NPAS3: variants seen among roughly 807,000 people sequenced by gnomAD.
NPAS3 encodes the protein neuronal PAS domain-containing protein 3.
Under a neutral mutation model 73.1 loss-of-function variants are expected in NPAS3, and 14 were observed. The observed-to-expected ratio is 0.19, with a 90% CI of 0.13 to 0.30. The LOEUF (loss-of-function observed/expected upper bound fraction) is 0.30. NPAS3 is among the 10% of genes least tolerant of loss of function. NPAS3 has a pLI of 1.00. For synonymous variants in NPAS3, 620 were observed against 541.5 expected, an observed-to-expected ratio of 1.14 and a Z score of -2.01; for missense variants, 1,096 against 1,250.0, an observed-to-expected ratio of 0.88 and a Z score of 1.86.
intron 5 of NPAS3, among the ~76,000 whole-genome samples, chr14:33,647,892 G>C (rs769100596): frequency 2.6e-5 from 4 of 152,034 alleles, no homozygotes; most frequent in African/African-American, 9.7e-5. Flanking sequence ...CACTCAAATG[G>C]CAGGCCCATT....
intron 6 of NPAS3, among the ~76,000 whole-genome samples, chr14:33,725,031 A>T (rs1344697680): frequency 6.6e-6 from 1 of 152,212 alleles, no homozygotes; most frequent in African/African-American, 2.4e-5. Flanking sequence ...AATAATACGG[A>T]CAAATACAGA....
rs117599337 is a variant in NPAS3 at position 33,613,214 on chromosome 14, A to G, written c.558+53004A>G. On this transcript the variant is annotated intron_variant, in intron 5 of 11. Coordinates refer to ENST00000356141, the Ensembl canonical transcript of NPAS3. ...CTGGAGGGCACCTGCTCCTGGCCCT[A>G]CAAACCCTGCCTTTCAGAAGAGGAG... Among the ~76,000 whole-genome samples the G allele has an allele frequency of 1.6e-3, 241 of 152,294 alleles. 6 individuals carry two copies. In the East Asian group the frequency reaches 0.038, roughly 24 times the overall value.
At chr14:33,000,369 A>T (rs1330352239) in intron 1 of NPAS3, among the ~76,000 whole-genome samples, 1 of 152,178 alleles carries the variant, frequency 6.6e-6, no homozygotes, top group Non-Finnish European at 1.5e-5. Context: ...GTGTTTCTCC[A>T]TACTGCATTA....
chr14:33,275,558 C>A (rs1396604248), intron 3 of NPAS3, among the ~76,000 whole-genome samples: 2 of 152,190 alleles, frequency 1.3e-5, no homozygotes, highest in Non-Finnish European at 2.9e-5. Context: ...ATGCATAGAT[C>A]TAAATCAGGG....
At chr14:32,937,773 G>A (rs1455111721), upstream of NPAS3, among the ~76,000 whole-genome samples, 2 of 152,126 alleles carry the variant, frequency 1.3e-5, no homozygotes, top group Admixed American at 1.3e-4. Context: ...TCCATCAGGC[G>A]CTTTCATTCA....
intron 6 of NPAS3, among the ~76,000 whole-genome samples, chr14:33,715,857 A>G (rs1399540713): frequency 1.3e-5 from 2 of 152,124 alleles, no homozygotes; most frequent in African/African-American, 4.8e-5. Context: ...GTAGTTGAGT[A>G]AGTCTCACAA....
chr14:32,955,709 G>A (rs2036646843), intron 1 of NPAS3, among the ~76,000 whole-genome samples: 1 of 152,064 alleles, frequency 6.6e-6, no homozygotes, highest in African/African-American at 2.4e-5. Context: ...GTTAGAAAAT[G>A]AAGGAATAAA....
At chr14:33,191,503 G>T (rs2046170797) in intron 2 of NPAS3, among the ~76,000 whole-genome samples, 1 of 152,134 alleles carries the variant, frequency 6.6e-6, no homozygotes, top group Non-Finnish European at 1.5e-5. Context: ...GAGAGTCATA[G>T]GTCATTGCCA....
At chr14:33,080,152 G>T (rs1033217180) in intron 2 of NPAS3, among the ~76,000 whole-genome samples, 2 of 151,976 alleles carry the variant, frequency 1.3e-5, no homozygotes, top group African/African-American at 4.8e-5. Flanking sequence ...TTATCACCCA[G>T]GCTGGAGTGC....
chr14:33,732,652 T>G (rs2061429094), intron 6 of NPAS3, among the ~76,000 whole-genome samples: 1 of 152,198 alleles, frequency 6.6e-6, no homozygotes, highest in Admixed American at 6.5e-5. Context: ...CCATACCACA[T>G]GCTCTTGAAA....
At chr14:33,605,983 C>T (rs533388763) in intron 5 of NPAS3, among the ~76,000 whole-genome samples, 1 of 152,188 alleles carries the variant, frequency 6.6e-6, no homozygotes, top group Admixed American at 6.5e-5. Context: ...TAAAAATCCA[C>T]AGTAATCAAG....
intron 5 of NPAS3, among the ~76,000 whole-genome samples, chr14:33,594,722 A>G (rs914067422): frequency 1.3e-5 from 2 of 152,154 alleles, no homozygotes; most frequent in African/African-American, 2.4e-5. Flanking sequence ...GCCTCTTGGC[A>G]GTTTGGAGAG....
intron 4 of NPAS3, among the ~76,000 whole-genome samples, chr14:33,507,459 T>G (rs1285656448): frequency 1.3e-5 from 2 of 152,028 alleles, no homozygotes; most frequent in African/African-American, 4.8e-5. Context: ...TTTCAGTCTT[T>G]TTGATCCTGA....
At chr14:33,038,510 T>A (rs1055677980) in intron 1 of NPAS3, among the ~76,000 whole-genome samples, 2 of 147,960 alleles carry the variant, frequency 1.4e-5, no homozygotes, top group Admixed American at 6.9e-5. Context: ...TATTTATACA[T>A]CTACATCTAT....
At chr14:33,685,863 A>G (rs2060074260) in intron 6 of NPAS3, among the ~76,000 whole-genome samples, 1 of 152,110 alleles carries the variant, frequency 6.6e-6, no homozygotes, top group South Asian at 2.1e-4. Context: ...TTGCCCCCAC[A>G]CCAGAGCAGA....
intron 1 of NPAS3, among the ~76,000 whole-genome samples, chr14:32,997,377 G>T (rs915830626): frequency 2.6e-5 from 4 of 152,224 alleles, no homozygotes; most frequent in Middle Eastern, 3.4e-3. Context: ...AGGCATGATT[G>T]GTTTTGAAAT....
At chr14:33,367,944 T>C (rs1394918347) in intron 4 of NPAS3, among the ~76,000 whole-genome samples, 1 of 152,116 alleles carries the variant, frequency 6.6e-6, no homozygotes, top group Non-Finnish European at 1.5e-5. Flanking sequence ...TACTAAGACT[T>C]TGCCATCGAT....
At position 33,734,873 on chromosome 14, in the gene NPAS3, G is replaced by A. The variant is rs146240619; in HGVS notation, c.734-341G>A. Among the ~76,000 whole-genome samples, 23 of 152,098 alleles carry A rather than the reference G, an allele frequency of 1.5e-4. No homozygotes were observed. The East Asian group carries it at 2.7e-3, about 18-fold the overall frequency. On this transcript the variant is annotated intron_variant, in intron 6 of 11. Transcript: ENST00000356141. ...ACCTTAGTTGACCTCATAAATCTACGGGTCCTTGTCTTTCATGACAGTTCT... is the reference window on the plus strand; with the variant it reads ...ACCTTAGTTGACCTCATAAATCTACAGGTCCTTGTCTTTCATGACAGTTCT...
chr14:33,776,930 G>GC (rs1319912864), intron 8 of NPAS3, among the ~76,000 whole-genome samples: 1 of 152,188 alleles, frequency 6.6e-6, no homozygotes, highest in Non-Finnish European at 1.5e-5. Flanking sequence ...GGCTTGGATC[G>GC]TTTTTTAAGG....
Sources: allele counts gnomAD v4.1 joint callset (sites outside exome capture counted in the v4.1 genomes callset), GRCh38; gene constraint gnomAD v4.1.1; transcripts MANE v1.5; gene names NCBI Gene and HGNC (gene_info 2026-07-23, HGNC 2026-07-21).